STAT3: variants seen among roughly 807,000 people sequenced by gnomAD.
STAT3 encodes DNA-binding protein APRF.
Under a neutral mutation model 114.3 loss-of-function variants are expected in STAT3, and 7 were observed. That is an observed-to-expected ratio of 0.06 (90% CI 0.03 to 0.11). STAT3 has a LOEUF of 0.11. STAT3 is among the 10% of genes least tolerant of loss of function. STAT3 has a pLI of 1.00. For synonymous variants in STAT3, 331 were observed against 354.5 expected (o/e 0.93, Z 0.74); for missense variants, 364 against 960.9 (o/e 0.38, Z 8.21).
At chr17:42,370,236 G>C (rs1280194279) in intron 1 of STAT3, among the ~76,000 whole-genome samples, 2 of 148,872 alleles carry the variant, frequency 1.3e-5, no homozygotes, top group Non-Finnish European at 3.0e-5. Context: ...ATAGGCATGA[G>C]CCACCACACC....
intron 8 of STAT3, among the ~76,000 whole-genome samples, chr17:42,335,798 G>T (rs1047381740): frequency 2.0e-5 from 3 of 152,120 alleles, no homozygotes; most frequent in African/African-American, 7.2e-5. Flanking sequence ...GGGAGGAGGA[G>T]GTTGCAGTAA....
intron 4 of STAT3, among the ~76,000 whole-genome samples, chr17:42,340,479 G>A (rs1341778953): frequency 6.7e-6 from 1 of 148,694 alleles, no homozygotes; most frequent in Non-Finnish European, 1.5e-5. Flanking sequence ...CCGGCCCAGG[G>A]AACATAGAAA....
intron 21 of STAT3, among the ~76,000 whole-genome samples, chr17:42,318,224 G>A (rs992111622): frequency 6.6e-5 from 10 of 152,016 alleles, no homozygotes; most frequent in Non-Finnish European, 1.3e-4. Context: ...CAGGGTTCAA[G>A]TGATTCTCCT....
intron 14 of STAT3, among the ~76,000 whole-genome samples, 193 bp downstream of exon 14, chr17:42,329,217 A>C (rs1474759841): frequency 6.6e-6 from 1 of 152,216 alleles, no homozygotes. Flanking sequence ...ATTCACGGAA[A>C]TGTTCCAAGC....
intron 15 of STAT3, 198 bp from the exon 16 acceptor site, chr17:42,325,259 A>G: frequency 1.7e-6 from 1 of 581,690 alleles, no homozygotes; most frequent in Non-Finnish European, 3.1e-6. Flanking sequence ...GTGGCCACAC[A>G]ACTCAGGCTG....
chr17:42,315,641 A>G lies in STAT3; in HGVS notation c.*104T>C. 4 of 1,237,150 alleles carry G rather than the reference A, an allele frequency of 3.2e-6. No homozygotes were observed. The highest frequency in any genetic ancestry group is 3.4e-5 in the Admixed American group (2 of 58,062). 76.6% of individuals were successfully genotyped at this position (1,237,150 alleles called of 1,614,324 possible). A position where few individuals can be genotyped will look rare whatever the true frequency, so the allele number is the denominator to read the frequency against. On this transcript the variant is annotated 3_prime_UTR_variant, in exon 24 of 24. Transcript: ENST00000264657. ...GAGATTAAAAAAAATCTGGAACCACAAAGTTAGTAGTTTCAGATGATCTGG... is the reference window on the plus strand; with the variant it reads ...GAGATTAAAAAAAATCTGGAACCACGAAGTTAGTAGTTTCAGATGATCTGG...
chr17:42,332,367 G>A (rs1183176651), intron 10 of STAT3, among the ~76,000 whole-genome samples: 8 of 150,330 alleles, frequency 5.3e-5, no homozygotes, highest in Admixed American at 4.6e-4. Context: ...GTGAAACCCC[G>A]TCTCTACTAA....
intron 4 of STAT3, among the ~76,000 whole-genome samples, chr17:42,343,154 A>C (rs2082521248): frequency 6.7e-6 from 1 of 149,202 alleles, no homozygotes. Context: ...CCTGGGTGAC[A>C]GAGTGAGACT....
At chr17:42,354,760 T>C (rs1315449868) in intron 1 of STAT3, among the ~76,000 whole-genome samples, 1 of 136,916 alleles carries the variant, frequency 7.3e-6, no homozygotes, top group Non-Finnish European at 1.5e-5. Context: ...TGAGCCAAGA[T>C]CGTGCCATTG....
rs2083116643 is a variant in STAT3, at chr17:42,354,260, C to T, written c.-23-5721G>A. 2.7e-5 allele frequency among the ~76,000 whole-genome samples: 4 copies of T among 148,468 alleles called. No homozygotes were observed. In the South Asian group the frequency reaches 8.6e-4, roughly 32 times the overall value. On this transcript the variant is annotated intron_variant, in intron 1 of 23. Coordinates refer to ENST00000264657, the MANE Select transcript of STAT3 (RefSeq NM_139276.3). Reference sequence around the variant, plus strand: ...TCTTGGCTCACTGCAGCCTCCACCTCCCAGGTTCAAGCGATTCTCCTGCCT... The same window carrying T: ...TCTTGGCTCACTGCAGCCTCCACCTTCCAGGTTCAAGCGATTCTCCTGCCT...
intron 1 of STAT3, among the ~76,000 whole-genome samples, chr17:42,352,651 CAA>C (rs766577639): frequency 5.7e-4 from 45 of 78,886 alleles, no homozygotes; most frequent in African/African-American, 5.2e-4. Context: ...GACTCTGTCT[CAA>C]AAAAAAAAAA....
chr17:42,313,981 A>C lies in STAT3; in HGVS notation c.*1764T>G, dbSNP rs2081164656. ...ACAGAAACTCTGATCAGCTGAGGCA[A>C]GGTGGTTTTGAGTTGCCAAATCCGG... On this transcript the variant is annotated 3_prime_UTR_variant, in exon 24 of 24. Coordinates refer to ENST00000264657, the MANE Select transcript of STAT3 (RefSeq NM_139276.3). 4.3e-6 allele frequency: 1 copy of C among 231,034 alleles called. No individual in the cohort carries two copies. The highest frequency in any genetic ancestry group is 8.6e-6 in the Non-Finnish European group (1 of 116,604). 14.3% of individuals were successfully genotyped at this position (231,034 alleles called of 1,614,324 possible).
Position 42,337,477 on chromosome 17 carries a change from A to G in STAT3, c.755T>C (p.Ile252Thr). ...TAGGCAGATGTTGGGCGGGCCTCCA[A>G]TGCAGGCAATCTGTTGCCGCCTCTT... Reference protein sequence around the residue: ...DWKRRQQIACIGGPPNICLDR... With the variant: ...DWKRRQQIACTGGPPNICLDR... Residue 252 changes from isoleucine to threonine, a missense_variant, in exon 8 of 24, where the codon ATT becomes ACT. This residue lies in a region of STAT3 where 294 missense variants were observed against 745.1 expected (regional missense o/e 0.39). Transcript: ENST00000264657. This position sits in a 1 kb window ranked among gnomAD's most constrained non-coding sequence, Gnocchi z 4.0. 1 of 1,614,180 alleles carries G rather than the reference A, an allele frequency of 6.2e-7. No homozygotes were observed. The highest frequency in any genetic ancestry group is 8.5e-7 in the Non-Finnish European group (1 of 1,180,024).
chr17:42,335,972 G>C (rs1434713046), intron 8 of STAT3, among the ~76,000 whole-genome samples: 1 of 152,086 alleles, frequency 6.6e-6, no homozygotes, highest in Non-Finnish European at 1.5e-5. Context: ...GAAAGGAGAG[G>C]GAGGGGGACC....
chr17:42,334,300 AATTT>A (rs1378139356), intron 8 of STAT3, among the ~76,000 whole-genome samples: 5 of 151,858 alleles, frequency 3.3e-5, no homozygotes, highest in African/African-American at 7.3e-5. Context: ...AAAAGAAAAT[AATTT>A]ATTTATTTAT....
At chr17:42,368,009 C>G (rs1301455194) in intron 1 of STAT3, among the ~76,000 whole-genome samples, 1 of 152,056 alleles carries the variant, frequency 6.6e-6, no homozygotes, top group African/African-American at 2.4e-5. Flanking sequence ...GTAAAGCAAA[C>G]ATACAAAGTT....
chr17:42,317,061 T>C, intron 22 of STAT3, 121 bp downstream of exon 22: 1 of 1,577,300 alleles, frequency 6.3e-7, no homozygotes, highest in East Asian at 2.3e-5. Flanking sequence ...TCACTTTGAG[T>C]ACTAAACATA....
At chr17:42,339,435 T>A (rs748997267) in intron 4 of STAT3, 26 bp from the exon 5 acceptor site, 1 of 1,609,560 alleles carries the variant, frequency 6.2e-7, no homozygotes, top group East Asian at 2.2e-5. Context: ...TCAATGCACA[T>A]GTGAACACAG....
At chr17:42,354,484 A>G (rs1348384959) in intron 1 of STAT3, among the ~76,000 whole-genome samples, 1 of 151,186 alleles carries the variant, frequency 6.6e-6, no homozygotes, top group African/African-American at 2.4e-5. Flanking sequence ...ATTTCTTAAA[A>G]CAGAAACCAG....
Sources: gnomAD v4.1 joint callset for allele counts (sites outside exome capture counted in the v4.1 genomes callset) on GRCh38, gnomAD v4.1.1 for gene constraint, gnomAD v4.1.1 regional missense constraint, Gnocchi (gnomAD v3.1) non-coding constraint, MANE v1.5 for transcripts, NCBI Gene and HGNC (gene_info 2026-07-23, HGNC 2026-07-21) for gene names.